The following GALNTL6 variants were observed in gnomAD, a reference collection of about 807,000 sequenced individuals.
GALNTL6 encodes polypeptide N-acetylgalactosaminyltransferase-like 6.
A neutral mutation model predicts 73.7 loss-of-function variants in GALNTL6; 46 were observed. The ratio of observed to expected loss-of-function variants is 0.62; its 90% CI spans 0.49 to 0.80. The LOEUF (loss-of-function observed/expected upper bound fraction) is 0.80, where lower values mean the gene tolerates loss of function less well. Ranked by LOEUF, GALNTL6 falls within the 30% of genes least tolerant of loss-of-function variation. The pLI, the probability that GALNTL6 is intolerant of heterozygous loss-of-function variation, is 0.00. For synonymous variants in GALNTL6, 259 were observed against 263.7 expected (o/e 0.98, Z 0.17); for missense variants, 604 against 755.0 (o/e 0.80, Z 2.34).
intron 5 of GALNTL6, among the ~76,000 whole-genome samples, chr4:172,687,679 T>G (rs2111248238): frequency 6.6e-6 from 1 of 152,086 alleles, no homozygotes; most frequent in African/African-American, 2.4e-5. Context: ...CCTTTCATGA[T>G]TTCTCCAATT....
rs566644130 is a variant in GALNTL6 at position 172,122,248 on chromosome 4, C to T, written c.139-107408C>T. 5.3e-5 allele frequency among the ~76,000 whole-genome samples: 8 copies of T among 151,942 alleles called. No individual in the cohort carries two copies. In the South Asian group the frequency reaches 1.3e-3, roughly 24 times the overall value. ...TCAGTCAAGTTACCAGCAGAAGCTA[C>T]TGAATGTGAAATTTCAATTACACCA... On this transcript the variant is annotated intron_variant, in intron 2 of 12. Coordinates refer to ENST00000506823, the MANE Select transcript of GALNTL6 (RefSeq NM_001034845.3).
At chr4:172,760,990 A>G (rs1738051538) in intron 5 of GALNTL6, among the ~76,000 whole-genome samples, 1 of 152,212 alleles carries the variant, frequency 6.6e-6, no homozygotes, top group Non-Finnish European at 1.5e-5. Flanking sequence ...ATGAAGAGAG[A>G]ATAGAAACAG....
At chr4:172,113,025 C>A (rs1732895888) in intron 2 of GALNTL6, among the ~76,000 whole-genome samples, 1 of 151,676 alleles carries the variant, frequency 6.6e-6, no homozygotes, top group African/African-American at 2.4e-5. Context: ...TAGGACAGTG[C>A]ATTTTTGAGT....
At chr4:172,693,510 A>G (rs1030458523) in intron 5 of GALNTL6, among the ~76,000 whole-genome samples, 1 of 152,138 alleles carries the variant, frequency 6.6e-6, no homozygotes, top group African/African-American at 2.4e-5. Flanking sequence ...CATTTTAGAG[A>G]GTGATCTTTT....
At chr4:171,841,754 A>C (rs1735244434) in intron 2 of GALNTL6, among the ~76,000 whole-genome samples, 1 of 152,084 alleles carries the variant, frequency 6.6e-6, no homozygotes, top group South Asian at 2.1e-4. Context: ...TAATTCCAGA[A>C]AAAAACCTTC....
At chr4:172,857,869 C>T (rs1308793922) in intron 7 of GALNTL6, among the ~76,000 whole-genome samples, 1 of 152,044 alleles carries the variant, frequency 6.6e-6, no homozygotes, top group Non-Finnish European at 1.5e-5. Flanking sequence ...TTTCATTTAC[C>T]GTGGTAGGGG....
chr4:172,051,969 C>T (rs1053127440), intron 2 of GALNTL6, among the ~76,000 whole-genome samples: 41 of 152,140 alleles, frequency 2.7e-4, no homozygotes, highest in Admixed American at 5.9e-4. Flanking sequence ...TCTCTGCCTC[C>T]AGCCTCTCCC....
At chr4:172,696,771 T>C (rs1305777511) in intron 5 of GALNTL6, among the ~76,000 whole-genome samples, 1 of 152,324 alleles carries the variant, frequency 6.6e-6, no homozygotes, top group East Asian at 1.9e-4. Flanking sequence ...GTCTCTGGTA[T>C]GTCTTTATTA....
At chr4:172,023,401 TA>T (rs2110805352) in intron 2 of GALNTL6, among the ~76,000 whole-genome samples, 1 of 151,988 alleles carries the variant, frequency 6.6e-6, no homozygotes, top group South Asian at 2.1e-4. Context: ...TTATCAAGTA[TA>T]AAAAAGTAAA....
chr4:172,904,815 G>T (rs1746802460), intron 8 of GALNTL6, among the ~76,000 whole-genome samples: 1 of 152,046 alleles, frequency 6.6e-6, no homozygotes, highest in Admixed American at 6.6e-5. Flanking sequence ...CTTTGATGTG[G>T]CACAAAAAAC....
chr4:172,605,273 G>C (rs1011428795), intron 5 of GALNTL6, among the ~76,000 whole-genome samples: 1 of 152,142 alleles, frequency 6.6e-6, no homozygotes, highest in Middle Eastern at 3.4e-3. Flanking sequence ...ATCCCTCTAC[G>C]ATTTTCTATT....
chr4:173,005,236 T>C (rs1181566357), intron 10 of GALNTL6, among the ~76,000 whole-genome samples: 1 of 152,194 alleles, frequency 6.6e-6, no homozygotes, highest in Non-Finnish European at 1.5e-5. Context: ...TGATTCTCCT[T>C]TTCCTCATTT....
chr4:172,870,523 C>T (rs147312585), intron 7 of GALNTL6, among the ~76,000 whole-genome samples: 6 of 152,198 alleles, frequency 3.9e-5, no homozygotes, highest in East Asian at 1.9e-4. Flanking sequence ...AATAGCCTTT[C>T]GCTTTGGCCC....
chr4:171,825,840 A>G (rs1243026873), intron 2 of GALNTL6, among the ~76,000 whole-genome samples: 3 of 152,180 alleles, frequency 2.0e-5, no homozygotes, highest in Non-Finnish European at 4.4e-5. Context: ...TTTGCTTCGT[A>G]AAAAACATTC....
chr4:172,030,960 G>A (rs772915590), intron 2 of GALNTL6, among the ~76,000 whole-genome samples: 2 of 152,014 alleles, frequency 1.3e-5, no homozygotes, highest in Non-Finnish European at 2.9e-5. Context: ...ATAAAGGAGT[G>A]TTTCTGAGAA....
intron 5 of GALNTL6, among the ~76,000 whole-genome samples, chr4:172,449,305 G>A (rs1471959516): frequency 6.6e-6 from 1 of 152,110 alleles, no homozygotes; most frequent in Non-Finnish European, 1.5e-5. Flanking sequence ...AGATATTTAA[G>A]TATCCCTCCA....
intron 5 of GALNTL6, among the ~76,000 whole-genome samples, chr4:172,378,059 A>C (rs1385072965): frequency 6.6e-6 from 1 of 152,184 alleles, no homozygotes; most frequent in Non-Finnish European, 1.5e-5. Context: ...AGCAGGCACC[A>C]AGAGCGAGTG....
At chr4:172,278,869 A>T (rs908532691) in intron 3 of GALNTL6, among the ~76,000 whole-genome samples, 1 of 152,168 alleles carries the variant, frequency 6.6e-6, no homozygotes, top group African/African-American at 2.4e-5. Flanking sequence ...GCATAAAAAC[A>T]GACACAGGCC....
At chr4:172,787,564 A>G (rs566712705) in intron 5 of GALNTL6, among the ~76,000 whole-genome samples, 1 of 152,204 alleles carries the variant, frequency 6.6e-6, no homozygotes, top group African/African-American at 2.4e-5. Flanking sequence ...GGTTCCCACT[A>G]TTTGTGTCTC....
Sources: allele counts gnomAD v4.1 joint callset (sites outside exome capture counted in the v4.1 genomes callset), GRCh38; gene constraint gnomAD v4.1.1; transcripts MANE v1.5; gene names NCBI Gene and HGNC (gene_info 2026-07-23, HGNC 2026-07-21).